Variants in SPTBN1 observed in about 807,000 individuals in gnomAD.
The protein encoded by SPTBN1 is spectrin beta chain, non-erythrocytic 1.
SPTBN1 carries 32 observed loss-of-function variants against 266.4 expected under a neutral mutation model. The ratio of observed to expected loss-of-function variants is 0.12; its 90% CI spans 0.09 to 0.16. SPTBN1 has a LOEUF of 0.16. SPTBN1 is among the 10% of genes least tolerant of loss of function. The probability of loss-of-function intolerance (pLI) is 1.00; values close to 1 mark genes in which losing one functional copy is unlikely to be tolerated. For missense variants in SPTBN1, 2,296 were observed against 3,067.1 expected, an observed-to-expected ratio of 0.75 and a Z score of 5.94; for synonymous variants, 1,336 against 1,162.2, an observed-to-expected ratio of 1.15 and a Z score of -3.04.
chr2:54,558,991 C>G lies in SPTBN1; in HGVS notation c.148+32425C>G. On this transcript the variant is annotated intron_variant, in intron 2 of 35. Transcript: ENST00000356805. The surrounding 1 kb of genome is among the most constrained non-coding windows in gnomAD (Gnocchi z 4.6). ...AGACGGGCGGCTTCACAGCTCGGCC[C>G]CAGACCCTGTGGTTGGCTGCGGGCA... The G allele has an allele frequency of 7.3e-7, 1 of 1,370,206 alleles. No homozygotes were observed. The highest frequency in any genetic ancestry group is 9.8e-7 in the Non-Finnish European group (1 of 1,017,044). The allele number at this position is 1,370,206 out of a possible 1,614,324, so 84.9% of individuals were successfully genotyped here.
intron 1 of SPTBN1, among the ~76,000 whole-genome samples, chr2:54,474,730 A>T (rs1458843508): frequency 2.6e-5 from 4 of 152,206 alleles, no homozygotes; most frequent in Non-Finnish European, 4.4e-5. Flanking sequence ...ATAAGGAAAT[A>T]CTACAAATAT....
At chr2:54,613,100 G>A (rs1341716623) in intron 4 of SPTBN1, among the ~76,000 whole-genome samples, 1 of 152,150 alleles carries the variant, frequency 6.6e-6, no homozygotes, top group Non-Finnish European at 1.5e-5. Context: ...TCAGCCTTTT[G>A]GGACTGTGCA....
At chr2:54,658,245 A>G (rs1480074406) in intron 30 of SPTBN1, among the ~76,000 whole-genome samples, 199 bp downstream of exon 30, 1 of 152,134 alleles carries the variant, frequency 6.6e-6, no homozygotes, top group East Asian at 1.9e-4. Context: ...CTCCTCAGTC[A>G]CATCCTGGGC....
intron 1 of SPTBN1, among the ~76,000 whole-genome samples, chr2:54,523,286 C>T (rs1412529530): frequency 2.0e-5 from 3 of 152,164 alleles, no homozygotes; most frequent in East Asian, 1.9e-4. Context: ...TTAATACACC[C>T]GTGAATGTAC....
intron 1 of SPTBN1, among the ~76,000 whole-genome samples, chr2:54,467,583 C>T (rs1240251811): frequency 1.3e-5 from 2 of 152,160 alleles, no homozygotes; most frequent in Non-Finnish European, 2.9e-5. Context: ...ACGGGTTTCA[C>T]CATGTTGGCC....
At chr2:54,457,686 G>A (rs1265718957) in intron 1 of SPTBN1, among the ~76,000 whole-genome samples, 1 of 152,198 alleles carries the variant, frequency 6.6e-6, no homozygotes, top group Non-Finnish European at 1.5e-5. Flanking sequence ...CTCGGCGCCT[G>A]CGGCCCCCGC....
chr2:54,654,380 C>T (rs1307008537), intron 27 of SPTBN1, among the ~76,000 whole-genome samples: 1 of 152,090 alleles, frequency 6.6e-6, no homozygotes, highest in African/African-American at 2.4e-5. Context: ...TTGTTTCATG[C>T]AAATTAGTGA....
intron 29 of SPTBN1, 139 bp from the exon 30 acceptor site, chr2:54,657,711 G>T (rs776947288): frequency 2.8e-5 from 28 of 984,306 alleles, no homozygotes; most frequent in Non-Finnish European, 4.0e-5. Context: ...ATTTACATTG[G>T]ACAGGGCTAA....
At chr2:54,497,490 C>T (rs1220964112) in intron 1 of SPTBN1, among the ~76,000 whole-genome samples, 5 of 152,170 alleles carry the variant, frequency 3.3e-5, no homozygotes, top group African/African-American at 4.8e-5. Flanking sequence ...AATTTCCTTT[C>T]TTCTACCATA....
intron 1 of SPTBN1, among the ~76,000 whole-genome samples, chr2:54,483,156 T>C (rs1287819214): frequency 1.3e-5 from 2 of 152,206 alleles, no homozygotes; most frequent in Non-Finnish European, 2.9e-5. Context: ...TTTTTATCTC[T>C]TCTGCTGGAG....
At chr2:54,661,246 A>C (rs907337403) in intron 32 of SPTBN1, 1 of 985,918 alleles carries the variant, frequency 1.0e-6, no homozygotes, top group Non-Finnish European at 1.2e-6. Flanking sequence ...CCTTAGAAAT[A>C]AAAGCTGGTG....
intron 1 of SPTBN1, among the ~76,000 whole-genome samples, chr2:54,481,046 A>C (rs1321063900): frequency 6.6e-6 from 1 of 152,142 alleles, no homozygotes. Context: ...CATGGTGAGC[A>C]CCTGTGGTCT....
chr2:54,611,562 G>T (rs77059805), intron 3 of SPTBN1, among the ~76,000 whole-genome samples: 1 of 152,030 alleles, frequency 6.6e-6, no homozygotes, highest in African/African-American at 2.4e-5. Flanking sequence ...TGGGTAGAGG[G>T]AAGAAACATT....
intron 2 of SPTBN1, among the ~76,000 whole-genome samples, chr2:54,591,740 G>A (rs1387278824): frequency 6.6e-6 from 1 of 152,206 alleles, no homozygotes; most frequent in Non-Finnish European, 1.5e-5. Flanking sequence ...ACTCTGTGCT[G>A]AGGGTATTGC....
chr2:54,552,860 C>T (rs1672658552), intron 2 of SPTBN1, among the ~76,000 whole-genome samples: 1 of 152,224 alleles, frequency 6.6e-6, no homozygotes, highest in Non-Finnish European at 1.5e-5. Flanking sequence ...TGGTCTCACC[C>T]ATGGTTTTCT....
chr2:54,578,057 C>A (rs975002989), intron 2 of SPTBN1, among the ~76,000 whole-genome samples: 12 of 152,144 alleles, frequency 7.9e-5, no homozygotes, highest in African/African-American at 2.9e-4. Flanking sequence ...AGATTCCAGA[C>A]TATAAAGGAC....
At chr2:54,467,356 T>C (rs1195133917) in intron 1 of SPTBN1, among the ~76,000 whole-genome samples, 1 of 152,176 alleles carries the variant, frequency 6.6e-6, no homozygotes, top group Non-Finnish European at 1.5e-5. Context: ...TTTAAACATT[T>C]TCCACGGCAT....
At position 54,464,469 on chromosome 2, in the gene SPTBN1, A is replaced by G. The variant is rs182194176; in HGVS notation, c.-48+7951A>G. On this transcript the variant is annotated intron_variant, in intron 1 of 35. Coordinates refer to ENST00000356805, the MANE Select transcript of SPTBN1 (RefSeq NM_003128.3). ...CTGGTTTTACTGTATTAAGTAAAAG[A>G]CTGGAAGGAAATACATTAAAATGTT... Among the ~76,000 whole-genome samples the G allele has an allele frequency of 8.3e-4, 126 of 152,350 alleles. 1 individual carries two copies. The highest frequency in any genetic ancestry group is 8.2e-3 in the Admixed American group (125 of 15,308).
chr2:54,520,068 C>T (rs992425952), intron 1 of SPTBN1, among the ~76,000 whole-genome samples: 5 of 152,110 alleles, frequency 3.3e-5, no homozygotes, highest in African/African-American at 1.2e-4. Flanking sequence ...ACCGGGTAAC[C>T]AGCAAAGACA....
Sources: allele counts gnomAD v4.1 joint callset (sites outside exome capture counted in the v4.1 genomes callset), GRCh38; gene constraint gnomAD v4.1.1; non-coding constraint Gnocchi (gnomAD v3.1); transcripts MANE v1.5; gene names NCBI Gene and HGNC (gene_info 2026-07-23, HGNC 2026-07-21).